Variants in DLGAP1 observed in about 807,000 individuals in gnomAD.
DLGAP1 encodes disks large-associated protein 1.
DLGAP1 carries 11 observed loss-of-function variants against 90.8 expected under a neutral mutation model. The ratio of observed to expected loss-of-function variants is 0.12; its 90% CI spans 0.08 to 0.20. The LOEUF (loss-of-function observed/expected upper bound fraction) is 0.20, where lower values mean the gene tolerates loss of function less well. Among genes scored for constraint, DLGAP1 ranks in the 10% least tolerant of loss-of-function variants. The pLI, the probability that DLGAP1 is intolerant of heterozygous loss-of-function variation, is 1.00. For synonymous variants in DLGAP1, 558 were observed against 540.7 expected, an observed-to-expected ratio of 1.03 and a Z score of -0.44; for missense variants, 1,050 against 1,333.8, an observed-to-expected ratio of 0.79 and a Z score of 3.31.
chr18:4,293,401 T>A (rs1409391480), intron 1 of DLGAP1: 1 of 152,182 alleles, frequency 6.6e-6, no homozygotes, highest in Non-Finnish European at 1.5e-5. Context: ...TTAGTAGAGA[T>A]CATAGATACA....
rs559440259 is a variant in DLGAP1 at position 3,666,880 on chromosome 18, C to T, written c.1591+62255G>A. ...CAAGGGAGCCTCCTGCCTCAGCCTC[C>T]GTAGTAGCTGCAACTACAGGCGCCC... On this transcript the variant is annotated intron_variant, in intron 7 of 12. Transcript: ENST00000315677. 3.4e-4 allele frequency among the ~76,000 whole-genome samples: 51 copies of T among 152,128 alleles called. No individual in the cohort carries two copies. In the South Asian group the frequency reaches 9.5e-3, roughly 28 times the overall value.
At chr18:3,547,297 G>A (rs1252435115) in intron 9 of DLGAP1, among the ~76,000 whole-genome samples, 7 of 95,634 alleles carry the variant, frequency 7.3e-5, no homozygotes, top group South Asian at 3.4e-4. Context: ...GCGAGACTCC[G>A]TCTCAAAAAA....
Position 3,727,133 on chromosome 18 carries a change from A to G in DLGAP1, c.1591+2002T>C, listed in dbSNP as rs558611155. 3.9e-5 allele frequency among the ~76,000 whole-genome samples: 6 copies of G among 152,354 alleles called. No individual in the cohort carries two copies. Among genetic ancestry groups the G allele is most frequent in the African/African-American group, 1.4e-4 (6 of 41,592 alleles). The stretch of plus-strand genomic sequence containing the variant: ...GTGTTTCTCATGCAATATTTGGGAT[A>G]TACCTATCCAGCAGAATTATTCACT... On this transcript the variant is annotated intron_variant, in intron 7 of 12. Coordinates refer to ENST00000315677, the MANE Select transcript of DLGAP1 (RefSeq NM_004746.4). This position sits in a 1 kb window ranked among gnomAD's most constrained non-coding sequence, Gnocchi z 4.7.
chr18:3,588,887 T>C (rs918975033), intron 7 of DLGAP1, among the ~76,000 whole-genome samples: 2 of 151,974 alleles, frequency 1.3e-5, no homozygotes, highest in African/African-American at 4.8e-5. Context: ...TACATTTGTA[T>C]GGAAAGATAA....
intron 7 of DLGAP1, among the ~76,000 whole-genome samples, chr18:3,602,593 CAAAAAAA>C (rs71159102): frequency 3.3e-4 from 22 of 66,700 alleles, no homozygotes; most frequent in African/African-American, 1.1e-3. Context: ...AGACTCCGTC[CAAAAAAA>C]AAAAAAAAAA....
chr18:4,145,294 G>A (rs2076566295), intron 2 of DLGAP1, among the ~76,000 whole-genome samples: 1 of 152,044 alleles, frequency 6.6e-6, no homozygotes, highest in Admixed American at 6.6e-5. Context: ...AAAAATCAAG[G>A]TATCAAATAG....
rs573325063 is a variant in DLGAP1, at chr18:4,230,256, A to G, written c.-266-78969T>C. ...CCAAATCTAAAAATAGAGCTATTATATGACCCAGCAATCTCACTGCTAGAT... is the reference window on the plus strand; with the variant it reads ...CCAAATCTAAAAATAGAGCTATTATGTGACCCAGCAATCTCACTGCTAGAT... On this transcript the variant is annotated intron_variant, in intron 1 of 12. Transcript: ENST00000315677. 2.0e-5 allele frequency among the ~76,000 whole-genome samples: 3 copies of G among 152,264 alleles called. No individual in the cohort carries two copies. In the East Asian group the frequency reaches 5.8e-4, roughly 29 times the overall value.
At chr18:3,771,563 T>C (rs1280399736) in intron 5 of DLGAP1, 1 of 152,240 alleles carries the variant, frequency 6.6e-6, no homozygotes, top group African/African-American at 2.4e-5. Flanking sequence ...ACGTGCCGTG[T>C]GTACTGCGGG....
chr18:3,877,442 GTT>G (rs1170317513), intron 4 of DLGAP1, among the ~76,000 whole-genome samples: 1 of 152,096 alleles, frequency 6.6e-6, no homozygotes, highest in African/African-American at 2.4e-5. Flanking sequence ...AAGTACAGGT[GTT>G]TTTGTTTTTG....
chr18:4,302,136 T>G (rs764221347), intron 1 of DLGAP1, among the ~76,000 whole-genome samples: 4 of 152,228 alleles, frequency 2.6e-5, no homozygotes, highest in Non-Finnish European at 5.9e-5. Flanking sequence ...AGAAGCTGTT[T>G]AGTTTGATGC....
At chr18:4,006,108 T>C (rs1231593792) in intron 2 of DLGAP1, among the ~76,000 whole-genome samples, 1 of 152,198 alleles carries the variant, frequency 6.6e-6, no homozygotes, top group East Asian at 1.9e-4. Flanking sequence ...TCTGTAAGTA[T>C]TAGTTCCTTT....
chr18:3,797,317 T>A (rs1245990350), intron 5 of DLGAP1, among the ~76,000 whole-genome samples: 1 of 149,260 alleles, frequency 6.7e-6, no homozygotes, highest in Non-Finnish European at 1.5e-5. Flanking sequence ...ACAGCAAGAC[T>A]GTCTCAGGAA....
intron 2 of DLGAP1, among the ~76,000 whole-genome samples, chr18:4,126,560 AAT>A (rs770850160): frequency 4.1e-4 from 63 of 152,212 alleles, no homozygotes; most frequent in Non-Finnish European, 7.6e-4. Flanking sequence ...ATACAGGGTA[AAT>A]ATATGTTTAT....
chr18:4,221,101 T>C (rs1598650324), intron 1 of DLGAP1, among the ~76,000 whole-genome samples: 1 of 152,150 alleles, frequency 6.6e-6, no homozygotes, highest in East Asian at 1.9e-4. Flanking sequence ...TGCACAACAA[T>C]GAACTTGCTT....
intron 3 of DLGAP1, among the ~76,000 whole-genome samples, chr18:3,970,637 T>C (rs560544867): frequency 1.3e-5 from 2 of 152,268 alleles, no homozygotes; most frequent in East Asian, 3.9e-4. Flanking sequence ...TCTTGCCCCA[T>C]ATTAGACTGC....
intron 2 of DLGAP1, among the ~76,000 whole-genome samples, chr18:4,060,008 A>G (rs939247324): frequency 3.3e-5 from 5 of 152,142 alleles, no homozygotes; most frequent in African/African-American, 1.2e-4. Flanking sequence ...AACTGCCCCA[A>G]TGGAATTAGT....
intron 1 of DLGAP1, among the ~76,000 whole-genome samples, chr18:4,402,612 A>AT (rs940901131): frequency 7.2e-5 from 11 of 152,140 alleles, no homozygotes; most frequent in African/African-American, 1.4e-4. Flanking sequence ...CTCAAAGCCA[A>AT]TTTTTTTTAA....
intron 2 of DLGAP1, among the ~76,000 whole-genome samples, chr18:4,025,403 T>C (rs1230460152): frequency 6.6e-5 from 10 of 152,150 alleles, no homozygotes; most frequent in Admixed American, 5.9e-4. Flanking sequence ...ATCTGGTAAG[T>C]GGAATGCAAA....
chr18:4,125,612 G>T (rs2076220801), intron 2 of DLGAP1, among the ~76,000 whole-genome samples: 1 of 152,038 alleles, frequency 6.6e-6, no homozygotes, highest in South Asian at 2.1e-4. Context: ...CCCCAGGAAG[G>T]CTGAGCTGTG....
Sources: allele counts gnomAD v4.1 joint callset (sites outside exome capture counted in the v4.1 genomes callset), GRCh38; gene constraint gnomAD v4.1.1; non-coding constraint Gnocchi (gnomAD v3.1); transcripts MANE v1.5; gene names NCBI Gene and HGNC (gene_info 2026-07-23, HGNC 2026-07-21).